PEX2: variants seen among roughly 807,000 people sequenced by gnomAD.
PEX2 encodes peroxisomal biogenesis factor 2.
A neutral mutation model predicts 25.2 loss-of-function variants in PEX2; 19 were observed. The observed-to-expected ratio is 0.75, with a 90% CI of 0.53 to 1.10. The LOEUF is 1.10. Among genes scored for constraint, PEX2 ranks in the 50% least tolerant of loss-of-function variants. PEX2 has a pLI of 0.00. For missense variants in PEX2, 347 were observed against 350.6 expected (o/e 0.99, Z 0.08); for synonymous variants, 141 against 127.7 (o/e 1.10, Z -0.70).
chr8:76,997,236 T>A (rs1459485912), intron 1 of PEX2, among the ~76,000 whole-genome samples: 1 of 152,068 alleles, frequency 6.6e-6, no homozygotes, highest in Non-Finnish European at 1.5e-5. Context: ...AATAGATGAG[T>A]GAAAAACTCA....
At chr8:76,999,239 T>G (rs1159439572) in intron 1 of PEX2, among the ~76,000 whole-genome samples, 1 of 152,190 alleles carries the variant, frequency 6.6e-6, no homozygotes, top group African/African-American at 2.4e-5. Context: ...GATAAAATAT[T>G]TCCGAGGGGC....
Position 76,983,506 on chromosome 8 carries a change from T to C in PEX2, c.673A>G (p.Ile225Val), listed in dbSNP as rs769853234. ...CTATTAGGTGCACCAGTAAGAGGAA[T>C]ACACCATGAAGACAGCTTGGCTTTC... ...KLKAKLSSWC[I>V]PLTGAPNSDN... is the part of the protein sequence containing the mutation. The change falls in exon 4 of 4, where the codon ATT (isoleucine) becomes GTT (valine). Residue 225 changes from isoleucine to valine, a missense_variant. By Grantham distance (29) the Ile-to-Val change is conservative. Coordinates refer to ENST00000357039, the MANE Select transcript of PEX2 (RefSeq NM_000318.3). 6 of 1,613,976 alleles carry C rather than the reference T, an allele frequency of 3.7e-6. No homozygotes were observed. In the African/African-American group the frequency reaches 5.3e-5, roughly 14 times the overall value.
At chr8:76,991,263 C>A (rs934667429) in intron 1 of PEX2, among the ~76,000 whole-genome samples, 1 of 152,148 alleles carries the variant, frequency 6.6e-6, no homozygotes, top group Admixed American at 6.5e-5. Flanking sequence ...TTAATGACTG[C>A]CAGAAAAGGA....
At chr8:77,000,543 G>A (rs1419357188), upstream of PEX2, among the ~76,000 whole-genome samples, 1 of 152,238 alleles carries the variant, frequency 6.6e-6, no homozygotes, top group African/African-American at 2.4e-5. Flanking sequence ...ATGGCCTGGT[G>A]GGGAGGGAGC....
intron 1 of PEX2, among the ~76,000 whole-genome samples, chr8:76,993,930 G>T (rs1471828109): frequency 3.9e-5 from 6 of 152,126 alleles, no homozygotes; most frequent in African/African-American, 1.4e-4. Context: ...TTTAGTGAAG[G>T]ATTCTACCAT....
rs903939367 is a variant in PEX2, at chr8:76,980,636, T to C, written c.*2625A>G. 6.6e-5 allele frequency: 10 copies of C among 152,234 alleles called. No individual in the cohort carries two copies. The highest frequency in any genetic ancestry group is 3.9e-4 in the Admixed American group (6 of 15,282). 9.4% of individuals were successfully genotyped at this position (152,234 alleles called of 1,614,324 possible). On this transcript the variant is annotated 3_prime_UTR_variant, in exon 4 of 4. Transcript: ENST00000357039. The stretch of plus-strand genomic sequence containing the variant: ...CCAGTAACAGTGAGCTCCTGGACTT[T>C]AGCTGTAACTATTAGGCAAGAGTAT...
chr8:76,999,479 C>T (rs569867122), intron 1 of PEX2, among the ~76,000 whole-genome samples: 131 of 152,316 alleles, frequency 8.6e-4, no homozygotes, highest in Admixed American at 2.5e-3. Flanking sequence ...GCAATTTTAT[C>T]AGAAACTTTT....
At chr8:77,000,320 A>G (rs1586082066), upstream of PEX2, 1 of 288,794 alleles carries the variant, frequency 3.5e-6, no homozygotes, top group Non-Finnish European at 6.7e-6. Context: ...GATTGGCAGG[A>G]GAGTCACGAA....
chr8:76,984,286 T>C (rs1806941104), intron 3 of PEX2, 91 bp from the exon 4 acceptor site: 1 of 1,018,572 alleles, frequency 9.8e-7, no homozygotes, highest in Non-Finnish European at 1.5e-6. Flanking sequence ...CATACACAAA[T>C]TACACAGGAC....
chr8:76,987,059 A>C (rs1807025245), intron 2 of PEX2, among the ~76,000 whole-genome samples: 1 of 152,208 alleles, frequency 6.6e-6, no homozygotes, highest in Non-Finnish European at 1.5e-5. Context: ...ATATCCAGAA[A>C]GATGATTATT....
In PEX2 at chr8:76,997,657, A is replaced by G. The variant is rs552598516; in HGVS notation, c.-160+2333T>C. 1.4e-4 allele frequency among the ~76,000 whole-genome samples: 22 copies of G among 152,346 alleles called. 1 individual carries two copies. The South Asian group carries it at 4.3e-3, about 30-fold the overall frequency. On this transcript the variant is annotated intron_variant, in intron 1 of 3. Coordinates refer to ENST00000357039, the MANE Select transcript of PEX2 (RefSeq NM_000318.3). ...TTTTACTAGTAAGAAGAAAGAAAAG[A>G]TAACTTGGATGGAATTTTATCTCAT...
chr8:76,984,542 T>A (rs931461530), intron 3 of PEX2, among the ~76,000 whole-genome samples: 6 of 152,128 alleles, frequency 3.9e-5, no homozygotes, highest in African/African-American at 1.4e-4. Context: ...CAGGGAGACA[T>A]TAAAATCCTG....
rs1393495466 is a variant in PEX2, at chr8:76,983,227, G to A, written c.*34C>T. 4 of 1,605,384 alleles carry A rather than the reference G, an allele frequency of 2.5e-6. No homozygotes were observed. The African/African-American group carries it at 4.0e-5, about 16-fold the overall frequency. ...CTAATATTAAGAATTTAAACACGGT[G>A]CATTTTTTTCCTCAAAGGAAGCAAT... On this transcript the variant is annotated 3_prime_UTR_variant, in exon 4 of 4. Coordinates refer to ENST00000357039, the MANE Select transcript of PEX2 (RefSeq NM_000318.3).
At position 76,982,223 on chromosome 8, in the gene PEX2, G is replaced by A. The variant is rs77507591; in HGVS notation, c.*1038C>T. ...GTAAAAAAAGGCAGAGAAAAAGAGT[G>A]AAGGATACAGAATTATCTTGATTAT... is the stretch of plus-strand genomic sequence containing the variant. On this transcript the variant is annotated 3_prime_UTR_variant, in exon 4 of 4. Coordinates refer to ENST00000357039, the MANE Select transcript of PEX2 (RefSeq NM_000318.3). The A allele has an allele frequency of 6.6e-6, 1 of 152,192 alleles. No homozygotes were observed. The highest frequency in any genetic ancestry group is 1.5e-5 in the Non-Finnish European group (1 of 68,032). The allele number at this position is 152,192 out of a possible 1,614,324, so 9.4% of individuals were successfully genotyped here.
At chr8:76,984,413 ATTTC>A (rs1028912748) in intron 3 of PEX2, among the ~76,000 whole-genome samples, 24 of 151,990 alleles carry the variant, frequency 1.6e-4, no homozygotes, top group African/African-American at 4.8e-4. Context: ...TTTTTTCTTA[ATTTC>A]TTTTTCTTTT....
intron 2 of PEX2, among the ~76,000 whole-genome samples, chr8:76,987,069 T>A (rs1807025943): frequency 6.6e-6 from 1 of 152,220 alleles, no homozygotes; most frequent in African/African-American, 2.4e-5. Flanking sequence ...AGATGATTAT[T>A]ACTAATTTCA....
At chr8:76,990,626 T>C (rs1257286660) in intron 1 of PEX2, among the ~76,000 whole-genome samples, 3 of 152,138 alleles carry the variant, frequency 2.0e-5, no homozygotes, top group African/African-American at 7.2e-5. Flanking sequence ...AATAGGCAAG[T>C]CAGCAGAACA....
At chr8:76,984,493 A>G (rs182815798) in intron 3 of PEX2, among the ~76,000 whole-genome samples, 3 of 152,322 alleles carry the variant, frequency 2.0e-5, no homozygotes, top group Admixed American at 2.0e-4. Flanking sequence ...CTTTCCACAA[A>G]TATACTTCTA....
rs1475641448 is a variant in PEX2 at position 76,983,491 on chromosome 8, C to A, written c.688G>T (p.Ala230Ser). 2 of 1,613,942 alleles carry A rather than the reference C, an allele frequency of 1.2e-6. No homozygotes were observed. The highest frequency in any genetic ancestry group is 1.7e-6 in the Non-Finnish European group (2 of 1,179,966). ...GCTAATGTATTGTCACTATTAGGTG[C>A]ACCAGTAAGAGGAATACACCATGAA... ...LSSWCIPLTG[A>S]PNSDNTLATS... is the part of the protein sequence containing the mutation. Residue 230 changes from alanine to serine, a missense_variant, in exon 4 of 4, where the codon GCA (alanine) becomes TCA (serine). Physicochemically the swap from Ala to Ser is moderately conservative, Grantham distance 99. Transcript: ENST00000357039.
Sources: allele counts gnomAD v4.1 joint callset (sites outside exome capture counted in the v4.1 genomes callset), GRCh38; gene constraint gnomAD v4.1.1; transcripts MANE v1.5; gene names NCBI Gene and HGNC (gene_info 2026-07-23, HGNC 2026-07-21).